RAB3C: variants seen among roughly 807,000 people sequenced by gnomAD.
RAB3C encodes RAB3C, member RAS oncogene family, also known as ras-related protein Rab-3C.
RAB3C carries 17 observed loss-of-function variants against 26.4 expected under a neutral mutation model. The ratio of observed to expected loss-of-function variants is 0.64; its 90% CI spans 0.44 to 0.97. RAB3C has a LOEUF of 0.97. RAB3C is among the 50% of genes least tolerant of loss of function. The pLI, the probability that RAB3C is intolerant of heterozygous loss-of-function variation, is 0.00. For missense variants in RAB3C, 242 were observed against 281.9 expected (o/e 0.86, Z 1.01); for synonymous variants, 91 against 95.9 (o/e 0.95, Z 0.30).
intron 2 of RAB3C, among the ~76,000 whole-genome samples, chr5:58,704,416 G>A (rs937354744): frequency 3.3e-5 from 5 of 152,074 alleles, no homozygotes; most frequent in African/African-American, 1.2e-4. Context: ...CCAAATTAAA[G>A]GACTCTGATA....
At chr5:58,630,501 T>C (rs1446991552) in intron 2 of RAB3C, among the ~76,000 whole-genome samples, 1 of 152,214 alleles carries the variant, frequency 6.6e-6, no homozygotes, top group Admixed American at 6.5e-5. Flanking sequence ...TAACTGCATT[T>C]TGAAAGACAG....
At chr5:58,619,430 A>G (rs927507831) in intron 2 of RAB3C, among the ~76,000 whole-genome samples, 4 of 152,206 alleles carry the variant, frequency 2.6e-5, no homozygotes, top group African/African-American at 9.6e-5. Flanking sequence ...TCCAATTGTT[A>G]TATGATACAT....
intron 2 of RAB3C, among the ~76,000 whole-genome samples, chr5:58,658,171 C>G (rs1051255056): frequency 6.6e-6 from 1 of 152,104 alleles, no homozygotes; most frequent in Non-Finnish European, 1.5e-5. Flanking sequence ...TTAATCCTCC[C>G]AAAAATATTC....
chr5:58,630,549 A>T (rs1161413102), intron 2 of RAB3C, among the ~76,000 whole-genome samples: 1 of 152,212 alleles, frequency 6.6e-6, no homozygotes, highest in East Asian at 1.9e-4. Context: ...AAAAAATCTC[A>T]TTATATCTGG....
intron 2 of RAB3C, among the ~76,000 whole-genome samples, chr5:58,632,682 G>GT (rs1194394369): frequency 2.0e-5 from 3 of 152,184 alleles, no homozygotes; most frequent in Non-Finnish European, 4.4e-5. Flanking sequence ...TGGACAGAGG[G>GT]TATATGTGCC....
intron 3 of RAB3C, among the ~76,000 whole-genome samples, chr5:58,783,594 C>A (rs1742316889): frequency 1.3e-5 from 2 of 152,142 alleles, no homozygotes; most frequent in Non-Finnish European, 2.9e-5. Context: ...ACCGAGGGAG[C>A]AAAGACCAAG....
chr5:58,840,764 G>C (rs974963764), intron 4 of RAB3C, among the ~76,000 whole-genome samples: 13 of 152,152 alleles, frequency 8.5e-5, no homozygotes, highest in Admixed American at 8.5e-4. Context: ...GGCTGAGAGA[G>C]TCTGTGGCAC....
intron 2 of RAB3C, among the ~76,000 whole-genome samples, chr5:58,637,690 T>G (rs1292575125): frequency 2.6e-5 from 4 of 152,164 alleles, no homozygotes; most frequent in Non-Finnish European, 4.4e-5. Flanking sequence ...GGAAAGATGA[T>G]TAGCTTTCAT....
intron 2 of RAB3C, among the ~76,000 whole-genome samples, chr5:58,694,813 G>A (rs1038608863): frequency 1.3e-5 from 2 of 152,004 alleles, no homozygotes; most frequent in East Asian, 1.9e-4. Flanking sequence ...TGAGTTCTTT[G>A]TAGATTCTGG....
chr5:58,593,616 A>G (rs1278943551), intron 1 of RAB3C, among the ~76,000 whole-genome samples: 1 of 152,192 alleles, frequency 6.6e-6, no homozygotes, highest in Non-Finnish European at 1.5e-5. Flanking sequence ...CAAAATTGTA[A>G]AAATAAAATA....
intron 4 of RAB3C, among the ~76,000 whole-genome samples, chr5:58,837,136 GTGA>G (rs1171996446): frequency 6.6e-6 from 1 of 152,082 alleles, no homozygotes; most frequent in Admixed American, 6.6e-5. Flanking sequence ...CTGATGATTG[GTGA>G]TGTTGAACAT....
At chr5:58,792,599 G>A (rs970561461) in intron 3 of RAB3C, among the ~76,000 whole-genome samples, 1 of 152,058 alleles carries the variant, frequency 6.6e-6, no homozygotes, top group Non-Finnish European at 1.5e-5. Flanking sequence ...GGTGAGGGAG[G>A]GGGGAGATGA....
chr5:58,771,500 C>T (rs1742030161), intron 3 of RAB3C, among the ~76,000 whole-genome samples: 1 of 152,034 alleles, frequency 6.6e-6, no homozygotes, highest in Non-Finnish European at 1.5e-5. Flanking sequence ...GCTTAAAAAA[C>T]TCACATATAT....
At chr5:58,798,443 A>T (rs1742724970) in intron 3 of RAB3C, among the ~76,000 whole-genome samples, 1 of 152,170 alleles carries the variant, frequency 6.6e-6, no homozygotes, top group South Asian at 2.1e-4. Flanking sequence ...GCTCAACATC[A>T]TCATATATAC....
chr5:58,753,299 C>A (rs113866043), intron 3 of RAB3C, among the ~76,000 whole-genome samples: 5,491 of 152,204 alleles, frequency 0.036, 132 homozygotes, highest in Non-Finnish European at 0.053. Context: ...CCCCCCAAAA[C>A]CAAGAGATCT....
chr5:58,753,867 G>A (rs1393216671), intron 3 of RAB3C, among the ~76,000 whole-genome samples: 4 of 152,152 alleles, frequency 2.6e-5, no homozygotes, highest in Non-Finnish European at 5.9e-5. Flanking sequence ...AGGCTGCAGT[G>A]GGACCCTTGC....
At position 58,857,056 on chromosome 5, in the gene RAB3C, A is replaced by C. The variant is rs1744276945; in HGVS notation, c.*5705A>C. 1 of 152,172 alleles carries C rather than the reference A, an allele frequency of 6.6e-6. No homozygotes were observed. Among genetic ancestry groups the C allele is most frequent in the Non-Finnish European group, 1.5e-5 (1 of 68,020 alleles). The allele number at this position is 152,172 out of a possible 1,614,324, so 9.4% of individuals were successfully genotyped here. On this transcript the variant is annotated 3_prime_UTR_variant, in exon 5 of 5. Coordinates refer to ENST00000282878, the MANE Select transcript of RAB3C (RefSeq NM_138453.4). ...TGTTATAAAAATAGATTTGTTTTCT[A>C]TTTTCAACACCTCAGAATTGAGGGT...
intron 2 of RAB3C, among the ~76,000 whole-genome samples, chr5:58,720,144 G>T (rs1246594097): frequency 6.6e-6 from 1 of 151,772 alleles, no homozygotes; most frequent in African/African-American, 2.4e-5. Context: ...TAGTTCTTTA[G>T]GGAAATAAAT....
intron 2 of RAB3C, among the ~76,000 whole-genome samples, chr5:58,639,288 A>G (rs1747360462): frequency 6.6e-6 from 1 of 152,172 alleles, no homozygotes; most frequent in Non-Finnish European, 1.5e-5. Flanking sequence ...TATGCATGAT[A>G]TATCTTTACA....
Sources: gnomAD v4.1 joint callset for allele counts (sites outside exome capture counted in the v4.1 genomes callset) on GRCh38, gnomAD v4.1.1 for gene constraint, MANE v1.5 for transcripts, NCBI Gene and HGNC (gene_info 2026-07-23, HGNC 2026-07-21) for gene names.